The following PTPRK variants were observed in gnomAD, a reference collection of about 807,000 sequenced individuals.
The protein encoded by PTPRK is receptor-type tyrosine-protein phosphatase kappa.
In PTPRK, 75 loss-of-function variants were observed where a neutral mutation model predicts 178.0. The observed-to-expected ratio is 0.42, with a 90% confidence interval of 0.35 to 0.51. The LOEUF is 0.51. Among genes scored for constraint, PTPRK ranks in the 20% least tolerant of loss-of-function variants. The probability of loss-of-function intolerance (pLI) is 0.02; values close to 1 mark genes in which losing one functional copy is unlikely to be tolerated. For synonymous variants in PTPRK, 637 were observed against 620.6 expected, an observed-to-expected ratio of 1.03 and a Z score of -0.39; for missense variants, 1,441 against 1,797.8, an observed-to-expected ratio of 0.80 and a Z score of 3.59.
intron 7 of PTPRK, among the ~76,000 whole-genome samples, chr6:128,166,398 A>G (rs1398135872): frequency 1.3e-5 from 2 of 151,674 alleles, no homozygotes; most frequent in Non-Finnish European, 3.0e-5. Context: ...GTGTGATCTC[A>G]GGAAAGGCAC....
chr6:128,238,947 A>G (rs1425946070), intron 5 of PTPRK, among the ~76,000 whole-genome samples: 1 of 152,100 alleles, frequency 6.6e-6, no homozygotes, highest in Admixed American at 6.6e-5. Flanking sequence ...AAATAACACA[A>G]ATATAACACC....
intron 3 of PTPRK, among the ~76,000 whole-genome samples, chr6:128,285,387 T>C (rs970515613): frequency 6.6e-6 from 1 of 151,490 alleles, no homozygotes; most frequent in Admixed American, 6.6e-5. Flanking sequence ...CGGTCACGGG[T>C]GCTTGTAATC....
At chr6:128,048,294 AAC>A (rs1289443470) in intron 13 of PTPRK, among the ~76,000 whole-genome samples, 1 of 152,164 alleles carries the variant, frequency 6.6e-6, no homozygotes, top group African/African-American at 2.4e-5. Context: ...CAATCTGCTT[AAC>A]AAGCCCCCAA....
At chr6:128,342,761 C>CA (rs2128332297) in intron 2 of PTPRK, among the ~76,000 whole-genome samples, 1 of 151,936 alleles carries the variant, frequency 6.6e-6, no homozygotes, top group East Asian at 1.9e-4. Context: ...ATTATAAATT[C>CA]AAAAGAAATA....
At chr6:128,278,762 C>T (rs12111286) in intron 3 of PTPRK, among the ~76,000 whole-genome samples, 39 of 152,196 alleles carry the variant, frequency 2.6e-4, no homozygotes, top group African/African-American at 8.4e-4. Flanking sequence ...TAAAAAACAT[C>T]GAATGCACTG....
intron 1 of PTPRK, among the ~76,000 whole-genome samples, chr6:128,502,573 A>G (rs1427922970): frequency 6.6e-6 from 1 of 152,216 alleles, no homozygotes. Flanking sequence ...GGCATGGAGT[A>G]GTGGGCTGGG....
intron 5 of PTPRK, among the ~76,000 whole-genome samples, chr6:128,226,442 G>A (rs1811304163): frequency 6.6e-6 from 1 of 152,122 alleles, no homozygotes; most frequent in Non-Finnish European, 1.5e-5. Context: ...GTGACCTTGT[G>A]AAGGCATTTT....
At chr6:128,322,352 A>C (rs1422219907) in intron 2 of PTPRK, 42 bp from the exon 3 acceptor site, 1 of 1,487,958 alleles carries the variant, frequency 6.7e-7, no homozygotes, top group East Asian at 2.3e-5. Flanking sequence ...GAGATATATA[A>C]GCAAAGGGAA....
intron 1 of PTPRK, among the ~76,000 whole-genome samples, chr6:128,471,255 A>T (rs1365969939): frequency 1.3e-5 from 2 of 152,108 alleles, no homozygotes; most frequent in Non-Finnish European, 2.9e-5. Flanking sequence ...TTTACAGGGC[A>T]TCCAGTTTTC....
intron 2 of PTPRK, among the ~76,000 whole-genome samples, chr6:128,329,932 C>T (rs960813809): frequency 2.0e-5 from 3 of 152,060 alleles, no homozygotes; most frequent in Admixed American, 6.6e-5. Context: ...TATGTATGAG[C>T]GGAGGAGTAC....
At chr6:128,198,422 C>T (rs1354121447) in intron 6 of PTPRK, among the ~76,000 whole-genome samples, 3 of 151,876 alleles carry the variant, frequency 2.0e-5, no homozygotes, top group Admixed American at 1.3e-4. Context: ...AGTTGAACAA[C>T]GAGAACACAT....
chr6:128,304,218 A>C (rs1826050017), intron 3 of PTPRK, among the ~76,000 whole-genome samples: 1 of 152,208 alleles, frequency 6.6e-6, no homozygotes, highest in Non-Finnish European at 1.5e-5. Flanking sequence ...AAGGAGAAAC[A>C]TAGCTTCTTT....
chr6:128,062,426 T>C (rs1781003041), intron 13 of PTPRK: 1 of 166,706 alleles, frequency 6.0e-6, no homozygotes, highest in Non-Finnish European at 1.5e-5. Context: ...GGAAAAATGC[T>C]AAAGGTTCAG....
At chr6:128,123,491 A>G (rs1235535547) in intron 7 of PTPRK, among the ~76,000 whole-genome samples, 3 of 152,176 alleles carry the variant, frequency 2.0e-5, no homozygotes. Context: ...ATGCATTTAC[A>G]GGAAATTTCC....
At chr6:127,997,761 G>A (rs906022088) in intron 16 of PTPRK, among the ~76,000 whole-genome samples, 3 of 152,038 alleles carry the variant, frequency 2.0e-5, no homozygotes, top group Non-Finnish European at 2.9e-5. Flanking sequence ...TTGTTACCAC[G>A]GCAGTGTTTC....
intron 5 of PTPRK, among the ~76,000 whole-genome samples, chr6:128,229,878 C>G (rs1315921656): frequency 6.6e-6 from 1 of 152,020 alleles, no homozygotes; most frequent in Non-Finnish European, 1.5e-5. Flanking sequence ...ATGTATTTTC[C>G]CTTTCCTTAA....
chr6:128,080,716 A>T (rs185335085), intron 10 of PTPRK, among the ~76,000 whole-genome samples: 10 of 152,198 alleles, frequency 6.6e-5, no homozygotes, highest in Admixed American at 5.2e-4. Flanking sequence ...TTAAATGCTG[A>T]GAAATGTAAT....
intron 1 of PTPRK, chr6:128,472,800 A>T (rs535149188): frequency 5.0e-6 from 1 of 201,342 alleles, no homozygotes; most frequent in Non-Finnish European, 1.0e-5. Context: ...CCAGAGTTTG[A>T]CAAACCTGTG....
At chr6:128,382,024 A>T (rs1042486395) in intron 2 of PTPRK, among the ~76,000 whole-genome samples, 3 of 151,848 alleles carry the variant, frequency 2.0e-5, no homozygotes, top group African/African-American at 7.3e-5. Context: ...TCTACAAAAA[A>T]ATACAAGAAT....
Sources: allele counts gnomAD v4.1 joint callset (sites outside exome capture counted in the v4.1 genomes callset), GRCh38; gene constraint gnomAD v4.1.1; transcripts MANE v1.5; gene names NCBI Gene and HGNC (gene_info 2026-07-23, HGNC 2026-07-21).